Variants in DENND2C observed in about 807,000 individuals in gnomAD.
The protein encoded by DENND2C is DENN domain-containing protein 2C.
Under a neutral mutation model 112.4 loss-of-function variants are expected in DENND2C, and 72 were observed. The ratio of observed to expected loss-of-function variants is 0.64; its 90% confidence interval spans 0.53 to 0.78. DENND2C has a LOEUF of 0.78. Ranked by LOEUF, DENND2C falls within the 30% of genes least tolerant of loss-of-function variation. DENND2C has a pLI of 0.00. For synonymous variants in DENND2C, 329 were observed against 381.6 expected (o/e 0.86, Z 1.61); for missense variants, 992 against 1,113.8 (o/e 0.89, Z 1.56).
At chr1:114,650,295 C>T (rs924545949) in intron 2 of DENND2C, among the ~76,000 whole-genome samples, 9 of 150,786 alleles carry the variant, frequency 6.0e-5, no homozygotes, top group East Asian at 2.0e-4. Context: ...TGCACGCCAA[C>T]CTGGGCAATA....
Position 114,638,879 on chromosome 1 carries a change from A to C in DENND2C, c.-205+6569T>G, listed in dbSNP as rs1378208890. On this transcript the variant is annotated intron_variant, in intron 3 of 20. Transcript: ENST00000393274. ...TATCACTATCAATCAACTTGACTTA[A>C]TTGGCAAGAAACAAAGAAATAAATG... 3.9e-5 allele frequency among the ~76,000 whole-genome samples: 6 copies of C among 152,280 alleles called. No homozygotes were observed. In the East Asian group the frequency reaches 1.2e-3, roughly 29 times the overall value.
Position 114,634,402 on chromosome 1 carries a change from C to T in DENND2C, c.-204-8214G>A, listed in dbSNP as rs184143739. On this transcript the variant is annotated intron_variant, in intron 3 of 20. Transcript: ENST00000393274. ...AGGCTGGAGTGCACTGGCACAATCTCGGCTCACTGCAGCCTCCGCCTCCTG... is the reference window on the plus strand; with the variant it reads ...AGGCTGGAGTGCACTGGCACAATCTTGGCTCACTGCAGCCTCCGCCTCCTG... 4.9e-4 allele frequency among the ~76,000 whole-genome samples: 75 copies of T among 152,156 alleles called. No individual in the cohort carries two copies. The East Asian group carries it at 0.011, about 23-fold the overall frequency.
chr1:114,587,550 C>A (rs868791049), intron 19 of DENND2C, 77 bp from the exon 20 acceptor site: 1 of 1,536,788 alleles, frequency 6.5e-7, no homozygotes, highest in Non-Finnish European at 9.0e-7. Context: ...GTGCTTATAA[C>A]CAGTGTATTA....
chr1:114,611,625 T>C lies in DENND2C; in HGVS notation c.1325-508A>G, dbSNP rs115112228. Among the ~76,000 whole-genome samples the C allele has an allele frequency of 7.4e-3, 1,126 of 152,306 alleles. 8 individuals carry two copies. The highest frequency in any genetic ancestry group is 0.027 in the South Asian group (129 of 4,828). ...CCTCTAAGTGCCTCTAAACTACTTCTAGTCCATATGGATCTTTACTCCAAA... is the reference window on the plus strand; with the variant it reads ...CCTCTAAGTGCCTCTAAACTACTTCCAGTCCATATGGATCTTTACTCCAAA... On this transcript the variant is annotated intron_variant, in intron 8 of 20. Coordinates refer to ENST00000393274, the MANE Select transcript of DENND2C (RefSeq NM_001256404.2).
intron 1 of DENND2C, among the ~76,000 whole-genome samples, chr1:114,669,418 CTA>C (rs1657728469): frequency 6.6e-6 from 1 of 152,168 alleles, no homozygotes. Flanking sequence ...TCATCAGCTG[CTA>C]TACAGCTCTA....
chr1:114,652,580 C>T (rs1290352231), intron 2 of DENND2C, among the ~76,000 whole-genome samples: 1 of 151,752 alleles, frequency 6.6e-6, no homozygotes, highest in Non-Finnish European at 1.5e-5. Flanking sequence ...TACCAAAACC[C>T]ATAAAGGCTG....
chr1:114,657,725 C>G (rs553483804), intron 1 of DENND2C, among the ~76,000 whole-genome samples: 1 of 152,180 alleles, frequency 6.6e-6, no homozygotes, highest in Admixed American at 6.5e-5. Flanking sequence ...TGTAGACAAT[C>G]CATTCAAGGA....
At chr1:114,656,387 C>A (rs1409699482) in intron 1 of DENND2C, among the ~76,000 whole-genome samples, 1 of 139,388 alleles carries the variant, frequency 7.2e-6, no homozygotes, top group East Asian at 2.2e-4. Context: ...TATAAACATT[C>A]TTTTTCTTTC....
Position 114,600,249 on chromosome 1 carries a change from G to A in DENND2C, c.2060C>T (p.Ser687Phe), listed in dbSNP as rs149711393. 11,482 of 1,614,060 alleles carry A rather than the reference G, an allele frequency of 7.1e-3. 58 individuals are homozygous for A. Among genetic ancestry groups the A allele is most frequent in the Non-Finnish European group, 7.8e-3 (9,249 of 1,179,988 alleles). Residue 687 changes from serine (S) to phenylalanine (F), a missense_variant, in exon 15 of 21, where the codon TCT becomes TTT. By Grantham distance (155) the Ser-to-Phe change is radical. Transcript: ENST00000393274. Reference sequence around the variant, plus strand: ...GATTACCCTACGCTCCAAAAGGAGAGAGGCACAGACCCGGATGAGATGACA... The same window carrying A: ...GATTACCCTACGCTCCAAAAGGAGAAAGGCACAGACCCGGATGAGATGACA... ...SVCHLIRVCASLLLERRVIFV... is the reference protein window; with the variant it reads ...SVCHLIRVCAFLLLERRVIFV...
chr1:114,604,486 C>T (rs61811020), intron 11 of DENND2C, among the ~76,000 whole-genome samples: 2 of 152,126 alleles, frequency 1.3e-5, no homozygotes, highest in African/African-American at 2.4e-5. Flanking sequence ...ACAGGTTCCA[C>T]AGAGGAACAT....
In DENND2C at chr1:114,611,778, A is replaced by AACACACACACACACAC. The variant is rs6143386; in HGVS notation, c.1325-677_1325-662dup. ...TTTGTATAATTCTGAGAGCACAGGC[A>AACACACACACACACAC]ACACACACACACACACACACACACA... is the stretch of plus-strand genomic sequence containing the variant. On this transcript the variant is annotated intron_variant, in intron 8 of 20. Transcript: ENST00000393274. 8.1e-5 allele frequency among the ~76,000 whole-genome samples: 12 copies of AACACACACACACACAC among 148,376 alleles called. No individual in the cohort carries two copies. In the South Asian group the frequency reaches 2.1e-3, roughly 26 times the overall value.
chr1:114,650,349 A>G (rs909524817), intron 2 of DENND2C, among the ~76,000 whole-genome samples: 1 of 149,370 alleles, frequency 6.7e-6, no homozygotes, highest in African/African-American at 2.5e-5. Context: ...GCAATTTTCA[A>G]GAATTTCAGC....
intron 1 of DENND2C, among the ~76,000 whole-genome samples, chr1:114,661,173 C>A (rs996974033): frequency 6.7e-5 from 10 of 150,318 alleles, no homozygotes; most frequent in Middle Eastern, 3.5e-3. Flanking sequence ...AAGCACAGTA[C>A]AACTTACAAT....
chr1:114,596,672 G>A (rs1354746389), intron 16 of DENND2C, among the ~76,000 whole-genome samples: 1 of 152,150 alleles, frequency 6.6e-6, no homozygotes, highest in Non-Finnish European at 1.5e-5. Context: ...AAGTACTGAA[G>A]TGGGGTGACT....
intron 1 of DENND2C, among the ~76,000 whole-genome samples, chr1:114,669,233 G>A (rs1343392583): frequency 6.6e-6 from 1 of 152,164 alleles, no homozygotes; most frequent in African/African-American, 2.4e-5. Context: ...TCAAATATCT[G>A]ACATTTGTAG....
rs770643015 is a variant in DENND2C, at chr1:114,625,908, G to T, written c.77C>A (p.Ser26Tyr). Residue 26 changes from serine to tyrosine, a missense_variant, in exon 4 of 21, where the codon TCT becomes TAT. Physicochemically the swap from Ser to Tyr is moderately radical, Grantham distance 144. Transcript: ENST00000393274. ...SHCKNIKQKI[S>Y]QWEGRANGIS... ...ACCATTAGCCCTTCCTTCCCATTGAGAAATTTTTTGTTTGATGTTTTTGCA... is the reference window on the plus strand; with the variant it reads ...ACCATTAGCCCTTCCTTCCCATTGATAAATTTTTTGTTTGATGTTTTTGCA... 2 of 1,614,062 alleles carry T rather than the reference G, an allele frequency of 1.2e-6. No homozygotes were observed. Among genetic ancestry groups the T allele is most frequent in the South Asian group, 2.2e-5 (2 of 91,072 alleles).
intron 14 of DENND2C, 54 bp downstream of exon 14, chr1:114,600,766 G>GT: frequency 6.3e-7 from 1 of 1,583,812 alleles, no homozygotes; most frequent in African/African-American, 1.4e-5. Context: ...CTGCCTACTA[G>GT]TGTAAGTCCT....
intron 3 of DENND2C, among the ~76,000 whole-genome samples, chr1:114,632,622 C>T (rs1269529018): frequency 6.6e-6 from 1 of 152,082 alleles, no homozygotes; most frequent in Non-Finnish European, 1.5e-5. Context: ...ATTTATGAGT[C>T]CAAGTACAAA....
chr1:114,600,155 G>A, intron 15 of DENND2C, 49 bp downstream of exon 15: 1 of 1,562,348 alleles, frequency 6.4e-7, no homozygotes, highest in Non-Finnish European at 8.6e-7. Flanking sequence ...TTAAAATTTG[G>A]AACAAATAAA....
Sources: gnomAD v4.1 joint callset for allele counts (sites outside exome capture counted in the v4.1 genomes callset) on GRCh38, gnomAD v4.1.1 for gene constraint, MANE v1.5 for transcripts, NCBI Gene and HGNC (gene_info 2026-07-23, HGNC 2026-07-21) for gene names.